Variants in CEP85L observed in about 807,000 individuals in gnomAD.
CEP85L encodes centrosomal protein 85L, also known as centrosomal protein of 85 kDa-like.
A neutral mutation model predicts 100.3 loss-of-function variants in CEP85L; 60 were observed. The observed-to-expected ratio is 0.60, with a 90% CI of 0.49 to 0.74. The LOEUF is 0.74. Ranked by LOEUF, CEP85L falls within the 30% of genes least tolerant of loss-of-function variation. The probability of loss-of-function intolerance (pLI) is 0.00; values close to 1 mark genes in which losing one functional copy is unlikely to be tolerated. For synonymous variants in CEP85L, 319 were observed against 322.7 expected (o/e 0.99, Z 0.12); for missense variants, 973 against 936.2 (o/e 1.04, Z -0.51).
chr6:118,571,284 A>G (rs1779872037), intron 2 of CEP85L, among the ~76,000 whole-genome samples: 1 of 152,226 alleles, frequency 6.6e-6, no homozygotes, highest in Admixed American at 6.5e-5. Context: ...TCTATCCCAC[A>G]TCTAAGTCAC....
chr6:118,518,515 C>T (rs1007041934), intron 4 of CEP85L, among the ~76,000 whole-genome samples: 6 of 152,128 alleles, frequency 3.9e-5, no homozygotes, highest in African/African-American at 1.4e-4. Context: ...AGTTTATTTG[C>T]GTAAAGGTGT....
chr6:118,651,475 A>AGCCGGCTGGGCTGAGGCCCGC lies in CEP85L; in HGVS notation c.-227_-207dup. 1 of 1,310,428 alleles carries AGCCGGCTGGGCTGAGGCCCGC rather than the reference A, an allele frequency of 7.6e-7. No individual in the cohort carries two copies. The highest frequency in any genetic ancestry group is 3.2e-5 in the East Asian group (1 of 31,372). The allele number at this position is 1,310,428 out of a possible 1,614,324, so 81.2% of individuals were successfully genotyped here. On this transcript the variant is annotated 5_prime_UTR_variant, in exon 1 of 13. Transcript: ENST00000368491. Reference sequence around the variant, plus strand: ...GCACTGCCGGCGCCTGCCATGGCCAAGCCGGCTGGGCTGAGGCCCGCGCCG... The same window carrying AGCCGGCTGGGCTGAGGCCCGC: ...GCACTGCCGGCGCCTGCCATGGCCAAGCCGGCTGGGCTGAGGCCCGCGCCGGCTGGGCTGAGGCCCGCGCCG...
At chr6:118,524,533 A>C (rs1776855749) in intron 3 of CEP85L, among the ~76,000 whole-genome samples, 1 of 152,230 alleles carries the variant, frequency 6.6e-6, no homozygotes, top group Admixed American at 6.5e-5. Flanking sequence ...AATGAGATTA[A>C]TCATTAAGGG....
chr6:118,534,030 G>C (rs1033406462), intron 3 of CEP85L, among the ~76,000 whole-genome samples: 3 of 151,790 alleles, frequency 2.0e-5, no homozygotes, highest in African/African-American at 7.3e-5. Context: ...AGGAGGCGGA[G>C]GTTACAGTGA....
At position 118,579,696 on chromosome 6, in the gene CEP85L, T is replaced by C. The variant is rs147887717; in HGVS notation, c.233-13380A>G. Among the ~76,000 whole-genome samples the C allele has an allele frequency of 3.7e-3, 563 of 152,314 alleles. 3 individuals are homozygous for C. The highest frequency in any genetic ancestry group is 0.013 in the African/African-American group (537 of 41,554). ...CTGCACTGTTTGGAGAGATATGGAG[T>C]CAATAATCTCCCTATGTTATAGGAG... On this transcript the variant is annotated intron_variant, in intron 2 of 12. Coordinates refer to ENST00000368491, the MANE Select transcript of CEP85L (RefSeq NM_001042475.3).
chr6:118,660,814 G>T (rs753155733), intron 1 of CEP85L, among the ~76,000 whole-genome samples: 16 of 151,952 alleles, frequency 1.1e-4, no homozygotes, highest in Non-Finnish European at 2.2e-4. Context: ...TCTGAATCTG[G>T]TTTTCTCAAA....
intron 1 of CEP85L, among the ~76,000 whole-genome samples, chr6:118,703,259 G>T (rs575667331): frequency 1.3e-5 from 2 of 151,514 alleles, no homozygotes; most frequent in Non-Finnish European, 1.5e-5. Context: ...CAAATAAATC[G>T]TTATTTTAAG....
intron 1 of CEP85L, among the ~76,000 whole-genome samples, chr6:118,638,196 T>C (rs374138642): frequency 1.2e-4 from 18 of 150,612 alleles, no homozygotes; most frequent in African/African-American, 4.2e-4. Context: ...GGCAACATAG[T>C]GAGACCGTCT....
intron 1 of CEP85L, among the ~76,000 whole-genome samples, chr6:118,639,328 C>T (rs913886558): frequency 6.6e-6 from 1 of 152,198 alleles, no homozygotes; most frequent in Non-Finnish European, 1.5e-5. Context: ...TGTTATTCTT[C>T]TACTTACATA....
intron 1 of CEP85L, among the ~76,000 whole-genome samples, chr6:118,680,107 G>A (rs1776601441): frequency 6.6e-6 from 1 of 151,230 alleles, no homozygotes; most frequent in Non-Finnish European, 1.5e-5. Flanking sequence ...GCAACACAGT[G>A]AGACCCCCAC....
intron 1 of CEP85L, among the ~76,000 whole-genome samples, chr6:118,645,721 A>G (rs180903527): frequency 6.6e-6 from 1 of 151,948 alleles, no homozygotes; most frequent in Non-Finnish European, 1.5e-5. Context: ...AATGTTTTTA[A>G]AAGTAAAATA....
chr6:118,565,373 C>T (rs1779439435), intron 3 of CEP85L, 156 bp downstream of exon 3: 2 of 704,296 alleles, frequency 2.8e-6, no homozygotes, highest in Non-Finnish European at 2.4e-6. Context: ...AGTTTATCAA[C>T]AACACTTTTC....
intron 3 of CEP85L, among the ~76,000 whole-genome samples, chr6:118,534,514 G>C (rs200408177): frequency 6.6e-6 from 1 of 152,020 alleles, no homozygotes; most frequent in Non-Finnish European, 1.5e-5. Flanking sequence ...TTAGCTGGGC[G>C]TGGTGGCACA....
intron 2 of CEP85L, among the ~76,000 whole-genome samples, chr6:118,602,467 A>G (rs1781836880): frequency 6.6e-6 from 1 of 152,220 alleles, no homozygotes; most frequent in African/African-American, 2.4e-5. Context: ...CAGAATTAGA[A>G]TACTGATTCA....
At position 118,559,942 on chromosome 6, in the gene CEP85L, A is replaced by C. The variant is rs1779125705; in HGVS notation, c.1020+5587T>G. 3 of 167,206 alleles carry C rather than the reference A, an allele frequency of 1.8e-5. No individual in the cohort carries two copies. In the South Asian group the frequency reaches 6.2e-4, roughly 35 times the overall value. 10.4% of individuals were successfully genotyped at this position (167,206 alleles called of 1,614,324 possible). On this transcript the variant is annotated intron_variant, in intron 3 of 12. Coordinates refer to ENST00000368491, the MANE Select transcript of CEP85L (RefSeq NM_001042475.3). ...TATCTGAGCTAGAGTTACCTAGCTT[A>C]CCATACTATATCTTTGGAATCATGA...
intron 3 of CEP85L, among the ~76,000 whole-genome samples, chr6:118,557,469 T>C (rs1172313397): frequency 6.6e-6 from 1 of 152,242 alleles, no homozygotes; most frequent in Non-Finnish European, 1.5e-5. Context: ...TTTAAGTATG[T>C]GTGGGGCTTG....
chr6:118,544,777 A>C (rs552440302), intron 3 of CEP85L, among the ~76,000 whole-genome samples: 1 of 152,310 alleles, frequency 6.6e-6, no homozygotes, highest in South Asian at 2.1e-4. Flanking sequence ...TAAGCTTTAT[A>C]GGTTACTTTA....
intron 2 of CEP85L, among the ~76,000 whole-genome samples, chr6:118,616,352 C>T (rs972963968): frequency 3.3e-5 from 5 of 151,662 alleles, no homozygotes; most frequent in Non-Finnish European, 7.4e-5. Context: ...ATAATAGGAC[C>T]CTGTCCTTAC....
At position 118,676,323 on chromosome 6, in the gene CEP85L, CT is replaced by C; in HGVS notation, c.-27-23516del. Among the ~76,000 whole-genome samples, 3 of 152,258 alleles carry C rather than the reference CT, an allele frequency of 2.0e-5. No individual in the cohort carries two copies. In the South Asian group the frequency reaches 6.2e-4, roughly 32 times the overall value. Reference sequence around the variant, plus strand: ...ATGTACCCTTTGACCAACATCTCTCCTTTTCCCAACCCTACCCTCATCCCCT... The same window carrying C: ...ATGTACCCTTTGACCAACATCTCTCCTTTCCCAACCCTACCCTCATCCCCT... On this transcript the variant is annotated intron_variant, in intron 1 of 13. Transcript: ENST00000368488.
Sources: allele counts gnomAD v4.1 joint callset (sites outside exome capture counted in the v4.1 genomes callset), GRCh38; gene constraint gnomAD v4.1.1; transcripts MANE v1.5; gene names NCBI Gene and HGNC (gene_info 2026-07-23, HGNC 2026-07-21).